Variants in MGAT3 observed in about 807,000 individuals in gnomAD.
MGAT3 encodes GlcNAc-T III.
A neutral mutation model predicts 29.8 loss-of-function variants in MGAT3; 9 were observed. The observed-to-expected ratio is 0.30, with a 90% confidence interval of 0.18 to 0.53. The LOEUF (loss-of-function observed/expected upper bound fraction) is 0.53, where lower values mean the gene tolerates loss of function less well. Ranked by LOEUF, MGAT3 falls within the 20% of genes least tolerant of loss-of-function variation. The probability of loss-of-function intolerance (pLI) is 0.96; values close to 1 mark genes in which losing one functional copy is unlikely to be tolerated. For missense variants in MGAT3, 557 were observed against 769.5 expected (o/e 0.72, Z 3.27); for synonymous variants, 397 against 348.9 (o/e 1.14, Z -1.54).
chr22:39,480,010 A>G (rs1929078358), intron 1 of MGAT3, among the ~76,000 whole-genome samples: 1 of 152,136 alleles, frequency 6.6e-6, no homozygotes, highest in South Asian at 2.1e-4. Context: ...AATGATACCC[A>G]TTTTATACAT....
chr22:39,457,402 T>A lies in MGAT3; in HGVS notation c.-157T>A, dbSNP rs1250389243. The A allele has an allele frequency of 4.1e-5, 6 of 145,696 alleles. 1 individual carries two copies. The highest frequency in any genetic ancestry group is 6.9e-3 in the Middle Eastern group (2 of 288). 9.0% of individuals were successfully genotyped at this position (145,696 alleles called of 1,614,324 possible). A position where few individuals can be genotyped will look rare whatever the true frequency, so the allele number is the denominator to read the frequency against. ...GGGGCCGGGCCGGGGCCGCGCTGCC[T>A]GCGATGCCGGGCGCCCGCCGCAGCC... On this transcript the variant is annotated 5_prime_UTR_variant, in exon 1 of 2. Coordinates refer to ENST00000341184, the MANE Select transcript of MGAT3 (RefSeq NM_002409.5). The surrounding 1 kb of genome is among the most constrained non-coding windows in gnomAD (Gnocchi z 6.8).
At chr22:39,481,831 G>A (rs1455216155) in intron 1 of MGAT3, among the ~76,000 whole-genome samples, 1 of 152,202 alleles carries the variant, frequency 6.6e-6, no homozygotes, top group African/African-American at 2.4e-5. Flanking sequence ...CCTTATACAA[G>A]GGTACCTGCT....
intron 1 of MGAT3, among the ~76,000 whole-genome samples, chr22:39,481,490 A>G (rs1283348398): frequency 6.6e-6 from 1 of 152,108 alleles, no homozygotes; most frequent in South Asian, 2.1e-4. Context: ...CTGTCTCCCC[A>G]TGTTCCCAGT....
In MGAT3 at chr22:39,488,802, G is replaced by T. The variant is rs1669566844; in HGVS notation, c.1455G>T (p.Lys485Asn). ...ADPSEHMYAP[K>N]YLLKNYDRFH... The stretch of plus-strand genomic sequence containing the variant: ...CCAGCGAGCACATGTATGCGCCCAA[G>T]TACCTGCTGAAGAACTACGACCGGT... The change falls in exon 2 of 2, where the codon AAG (lysine) becomes AAT (asparagine). Residue 485 changes from lysine (K) to asparagine (N), a missense_variant. Lys to Asn is a moderately conservative substitution (Grantham distance 94, BLOSUM62 0). Coordinates refer to ENST00000341184, the MANE Select transcript of MGAT3 (RefSeq NM_002409.5). 1 of 1,611,220 alleles carries T rather than the reference G, an allele frequency of 6.2e-7. No individual in the cohort carries two copies. The highest frequency in any genetic ancestry group is 1.1e-5 in the South Asian group (1 of 90,700).
At chr22:39,460,367 T>C (rs1749060540) in intron 1 of MGAT3, among the ~76,000 whole-genome samples, 1 of 152,100 alleles carries the variant, frequency 6.6e-6, no homozygotes, top group Non-Finnish European at 1.5e-5. Flanking sequence ...TGCTGGCTGC[T>C]TGGGGGCAAG....
At chr22:39,485,610 G>A (rs749636596) in intron 1 of MGAT3, among the ~76,000 whole-genome samples, 4 of 152,154 alleles carry the variant, frequency 2.6e-5, no homozygotes, top group Non-Finnish European at 4.4e-5. Flanking sequence ...AGCCAACATG[G>A]CGAAACCCCA....
chr22:39,478,157 C>T (rs1387958673), intron 1 of MGAT3, among the ~76,000 whole-genome samples: 3 of 152,254 alleles, frequency 2.0e-5, no homozygotes, highest in East Asian at 1.9e-4. Context: ...CAGCGCGAAG[C>T]CCTTTCGTAC....
chr22:39,468,742 G>C (rs558836783), intron 1 of MGAT3, among the ~76,000 whole-genome samples: 4 of 150,484 alleles, frequency 2.7e-5, no homozygotes, highest in Non-Finnish European at 5.9e-5. Context: ...TTTTTGTGTG[G>C]GGCTCAGTGC....
intron 1 of MGAT3, among the ~76,000 whole-genome samples, chr22:39,459,576 G>C (rs1928441416): frequency 6.6e-6 from 1 of 151,992 alleles, no homozygotes; most frequent in African/African-American, 2.4e-5. Flanking sequence ...GGATCCTTCT[G>C]CCCCAACCTC....
intron 1 of MGAT3, among the ~76,000 whole-genome samples, chr22:39,484,284 A>T (rs748557710): frequency 4.6e-5 from 7 of 152,288 alleles, no homozygotes; most frequent in Non-Finnish European, 1.0e-4. Flanking sequence ...GAGCTTATTG[A>T]GCATGCTGCA....
At chr22:39,482,689 C>A (rs951031944) in intron 1 of MGAT3, among the ~76,000 whole-genome samples, 1 of 152,210 alleles carries the variant, frequency 6.6e-6, no homozygotes, top group Non-Finnish European at 1.5e-5. Context: ...TGAAACTATG[C>A]GGGCAGCTGC....
Position 39,457,401 on chromosome 22 carries a change from C to T in MGAT3, c.-158C>T, listed in dbSNP as rs1448251291. 6.8e-6 allele frequency: 1 copy of T among 147,246 alleles called. No homozygotes were observed. The highest frequency in any genetic ancestry group is 2.5e-5 in the African/African-American group (1 of 40,756). The allele number at this position is 147,246 out of a possible 1,614,324, so 9.1% of individuals were successfully genotyped here. ...CGGGGCCGGGCCGGGGCCGCGCTGC[C>T]TGCGATGCCGGGCGCCCGCCGCAGC... On this transcript the variant is annotated 5_prime_UTR_variant, in exon 1 of 2. Coordinates refer to ENST00000341184, the MANE Select transcript of MGAT3 (RefSeq NM_002409.5). This position sits in a 1 kb window ranked among gnomAD's most constrained non-coding sequence, Gnocchi z 6.8.
rs138054145 is a variant in MGAT3, at chr22:39,470,814, G to A, written c.-2+13257G>A. On this transcript the variant is annotated intron_variant, in intron 1 of 1. Transcript: ENST00000341184. ...GCCTCACATTGCTGATAGAGGCACCGAGGCCCAGGGTATTCAGTGACCTGC... is the reference window on the plus strand; with the variant it reads ...GCCTCACATTGCTGATAGAGGCACCAAGGCCCAGGGTATTCAGTGACCTGC... 9.7e-4 allele frequency among the ~76,000 whole-genome samples: 148 copies of A among 152,278 alleles called. 1 individual carries two copies. Among genetic ancestry groups the A allele is most frequent in the African/African-American group, 3.5e-3 (144 of 41,564 alleles).
Position 39,457,048 on chromosome 22 carries a change from T to C in MGAT3, c.-511T>C, listed in dbSNP as rs1308797225. On this transcript the variant is annotated 5_prime_UTR_variant, in exon 1 of 2. Coordinates refer to ENST00000341184, the MANE Select transcript of MGAT3 (RefSeq NM_002409.5). This position sits in a 1 kb window ranked among gnomAD's most constrained non-coding sequence, Gnocchi z 6.8. ...CTCGCTCGCACACGCACACACTCGA[T>C]CCAGCACGCGCGGGCGGCGCGGGGC... 2.0e-5 allele frequency among the ~76,000 whole-genome samples: 3 copies of C among 150,200 alleles called. No individual in the cohort carries two copies. The highest frequency in any genetic ancestry group is 2.0e-4 in the Admixed American group (3 of 15,126).
chr22:39,479,714 AC>A (rs1929071033), intron 1 of MGAT3, among the ~76,000 whole-genome samples: 1 of 152,258 alleles, frequency 6.6e-6, no homozygotes, highest in Non-Finnish European at 1.5e-5. Context: ...AAACAGAGGT[AC>A]AGAAAAGTGC....
intron 1 of MGAT3, among the ~76,000 whole-genome samples, chr22:39,484,504 C>T (rs966654166): frequency 1.3e-5 from 2 of 152,026 alleles, no homozygotes; most frequent in African/African-American, 4.8e-5. Flanking sequence ...TCCCTAGTAG[C>T]TGGGATTACA....
At position 39,487,325 on chromosome 22, in the gene MGAT3, C is replaced by G. The variant is rs746481649; in HGVS notation, c.-1-22C>G. Reference sequence around the variant, plus strand: ...GAGCCTGGGCTGCCCTGATGAGTCTCCTGTCTCTCTCTCTCCCGCAGGATG... The same window carrying G: ...GAGCCTGGGCTGCCCTGATGAGTCTGCTGTCTCTCTCTCTCCCGCAGGATG... On this transcript the variant is annotated intron_variant, in intron 1 of 1. Transcript: ENST00000341184. This position sits in a 1 kb window ranked among gnomAD's most constrained non-coding sequence, Gnocchi z 5.7. 6.2e-7 allele frequency: 1 copy of G among 1,600,936 alleles called. No individual in the cohort carries two copies. Among genetic ancestry groups the G allele is most frequent in the Non-Finnish European group, 8.5e-7 (1 of 1,174,270 alleles).
rs1307724896 is a variant in MGAT3, at chr22:39,489,071, G to T, written c.*122G>T. The T allele has an allele frequency of 3.7e-6, 4 of 1,078,550 alleles. No individual in the cohort carries two copies. The highest frequency in any genetic ancestry group is 2.6e-6 in the Non-Finnish European group (2 of 772,202). The allele number at this position is 1,078,550 out of a possible 1,614,324, so 66.8% of individuals were successfully genotyped here. On this transcript the variant is annotated 3_prime_UTR_variant, in exon 2 of 2. Coordinates refer to ENST00000341184, the MANE Select transcript of MGAT3 (RefSeq NM_002409.5). The stretch of plus-strand genomic sequence containing the variant: ...GACCAGGAGTGGGTGGGGAGTGGGG[G>T]TGGGGGTAGGGTTTCCCTACTGAAG...
Position 39,457,819 on chromosome 22 carries a change from T to A in MGAT3, c.-2+262T>A, listed in dbSNP as rs1928379525. On this transcript the variant is annotated intron_variant, in intron 1 of 1. Transcript: ENST00000341184. This position sits in a 1 kb window ranked among gnomAD's most constrained non-coding sequence, Gnocchi z 6.8. ...TCCCCGGTCCCCGGAGGGCAGAGCC[T>A]CAGCGCCCGACCCCCTCCCACGGCC... is the stretch of plus-strand genomic sequence containing the variant. Among the ~76,000 whole-genome samples the A allele has an allele frequency of 6.6e-6, 1 of 150,964 alleles. No individual in the cohort carries two copies. Among genetic ancestry groups the A allele is most frequent in the Non-Finnish European group, 1.5e-5 (1 of 67,544 alleles).
Sources: allele counts gnomAD v4.1 joint callset (sites outside exome capture counted in the v4.1 genomes callset), GRCh38; gene constraint gnomAD v4.1.1; non-coding constraint Gnocchi (gnomAD v3.1); transcripts MANE v1.5; gene names NCBI Gene and HGNC (gene_info 2026-07-23, HGNC 2026-07-21).